DNHD1: variants seen among roughly 807,000 people sequenced by gnomAD.
DNHD1 encodes dynein heavy chain domain 1, also known as dynein heavy chain domain-containing protein 1.
DNHD1 carries 383 observed loss-of-function variants against 458.1 expected under a neutral mutation model. The observed-to-expected ratio is 0.84, with a 90% CI of 0.77 to 0.91. The LOEUF (loss-of-function observed/expected upper bound fraction) is 0.91. Among genes scored for constraint, DNHD1 ranks in the 40% least tolerant of loss-of-function variants. DNHD1 has a pLI of 0.00. For missense variants in DNHD1, 5,336 were observed against 5,866.1 expected (o/e 0.91, Z 2.95); for synonymous variants, 2,203 against 2,376.9 (o/e 0.93, Z 2.13).
In DNHD1 at chr11:6,547,653, G is replaced by A; in HGVS notation, c.6714G>A (p.Lys2238=). The A allele has an allele frequency of 6.6e-7, 1 of 1,522,634 alleles. No homozygotes were observed. Among genetic ancestry groups the A allele is most frequent in the South Asian group, 1.2e-5 (1 of 80,222 alleles). The allele number at this position is 1,522,634 out of a possible 1,614,324, so 94.3% of individuals were successfully genotyped here. Residue 2238 remains lysine, a synonymous_variant, in exon 21 of 43, where the codon AAG becomes AAA. Coordinates refer to ENST00000254579, the MANE Select transcript of DNHD1 (RefSeq NM_144666.3). ...LDLHLRLKEE[K]APGPEDLSYS... is the part of the protein sequence containing the mutation. ...TCCACCTTCGCCTAAAGGAGGAGAA[G>A]GCCCCTGGCCCAGGTGGGAAGATGG... is the stretch of plus-strand genomic sequence containing the variant.
In DNHD1 at chr11:6,557,767, G is replaced by A. The variant is rs1424030771; in HGVS notation, c.8472G>A (p.Glu2824=). 6.4e-7 allele frequency: 1 copy of A among 1,551,694 alleles called. No individual in the cohort carries two copies. The highest frequency in any genetic ancestry group is 8.7e-7 in the Non-Finnish European group (1 of 1,146,992). The change falls in exon 25 of 43, where the codon GAG becomes GAA. Residue 2824 remains glutamate, a synonymous_variant. Transcript: ENST00000254579. ...CCTCAGACCTGGTCTTCAGTCAGGAGCTGATACTGGGGCCTAACTCTGAGA... is the reference window on the plus strand; with the variant it reads ...CCTCAGACCTGGTCTTCAGTCAGGAACTGATACTGGGGCCTAACTCTGAGA... ...EKPSDLVFSQ[E]LILGPNSETP...
chr11:6,502,630 A>G, intron 3 of DNHD1, 123 bp from the exon 4 acceptor site: 1 of 795,296 alleles, frequency 1.3e-6, no homozygotes, highest in Non-Finnish European at 1.9e-6. Flanking sequence ...CGACAATGCC[A>G]CGTCAGGTCT....
In DNHD1 at chr11:6,567,531, G is replaced by A; in HGVS notation, c.12022G>A (p.Gly4008Ser). Residue 4008 changes from glycine to serine, a missense_variant, in exon 36 of 43, where the codon GGC (glycine) becomes AGC (serine). Gly to Ser is a moderately conservative substitution (Grantham distance 56). Around this residue, in one of 4 missense-constraint regions of DNHD1, gnomAD observed 695 missense variants for 804.2 expected, o/e 0.86. Coordinates refer to ENST00000254579, the MANE Select transcript of DNHD1 (RefSeq NM_144666.3). ...PFVGLCASLA[G>S]HSSAWQAYLS... ...TGTTGGCCTGTGTGCCTCCCTGGCA[G>A]GCCACTCCAGTGCTTGGCAGGCTTA... is the stretch of plus-strand genomic sequence containing the variant. The A allele has an allele frequency of 6.2e-7, 1 of 1,613,442 alleles. No homozygotes were observed. Among genetic ancestry groups the A allele is most frequent in the East Asian group, 2.2e-5 (1 of 44,878 alleles).
In DNHD1 at chr11:6,529,125, A is replaced by G. The variant is rs983289955; in HGVS notation, c.2347+4A>G. The G allele has an allele frequency of 5.8e-6, 9 of 1,549,806 alleles. No individual in the cohort carries two copies. The highest frequency in any genetic ancestry group is 5.5e-5 in the African/African-American group (4 of 72,994). ...CATGATGTACAGGCAGAGATGGGTGAGTACTGCTTCTCTTCCCTCTCCTCC... is the reference window on the plus strand; with the variant it reads ...CATGATGTACAGGCAGAGATGGGTGGGTACTGCTTCTCTTCCCTCTCCTCC... On this transcript the variant is annotated splice_donor_region_variant and intron_variant, in intron 12 of 42. Coordinates refer to ENST00000254579, the MANE Select transcript of DNHD1 (RefSeq NM_144666.3).
At chr11:6,569,689 AT>A (rs369635895) in intron 39 of DNHD1, among the ~76,000 whole-genome samples, 11 of 152,182 alleles carry the variant, frequency 7.2e-5, no homozygotes, top group Non-Finnish European at 1.5e-4. Flanking sequence ...CAGGGAAGAG[AT>A]TGTGGTATGG....
At chr11:6,549,744 G>A (rs1200850157) in intron 24 of DNHD1, among the ~76,000 whole-genome samples, 1 of 152,214 alleles carries the variant, frequency 6.6e-6, no homozygotes, top group Non-Finnish European at 1.5e-5. Context: ...CACACTTGGA[G>A]ATTTATGAGA....
At chr11:6,525,426 A>T (rs929750285) in intron 10 of DNHD1, among the ~76,000 whole-genome samples, 4 of 152,248 alleles carry the variant, frequency 2.6e-5, no homozygotes, top group African/African-American at 9.6e-5. Context: ...TCAGAGTTCC[A>T]TTCTTCAGGT....
At chr11:6,568,631 G>C in intron 38 of DNHD1, 34 bp from the exon 39 acceptor site, 1 of 1,613,924 alleles carries the variant, frequency 6.2e-7, no homozygotes, top group South Asian at 1.1e-5. Flanking sequence ...GGGCAACTGT[G>C]CTGTGCTGAC....
At chr11:6,501,116 A>T (rs1852125064) in intron 3 of DNHD1, among the ~76,000 whole-genome samples, 1 of 152,206 alleles carries the variant, frequency 6.6e-6, no homozygotes, top group South Asian at 2.1e-4. Flanking sequence ...GAAAATGTTC[A>T]TTGGATGTAG....
In DNHD1 at chr11:6,547,660, G is replaced by A; in HGVS notation, c.6721G>A (p.Gly2241Ser). Residue 2241 changes from glycine (G) to serine (S), a missense_variant, in exon 21 of 43, where the codon GGC (glycine) becomes AGC (serine). Coordinates refer to ENST00000254579, the MANE Select transcript of DNHD1 (RefSeq NM_144666.3). ...HLRLKEEKAPGPEDLSYSDPV... is the reference protein window; with the variant it reads ...HLRLKEEKAPSPEDLSYSDPV... Reference sequence around the variant, plus strand: ...TCGCCTAAAGGAGGAGAAGGCCCCTGGCCCAGGTGGGAAGATGGACGGGCT... The same window carrying A: ...TCGCCTAAAGGAGGAGAAGGCCCCTAGCCCAGGTGGGAAGATGGACGGGCT... 2 of 1,519,924 alleles carry A rather than the reference G, an allele frequency of 1.3e-6. No homozygotes were observed. The highest frequency in any genetic ancestry group is 1.3e-5 in the South Asian group (1 of 79,508). The allele number at this position is 1,519,924 out of a possible 1,614,324, so 94.2% of individuals were successfully genotyped here. A position where few individuals can be genotyped will look rare whatever the true frequency, so the allele number is the denominator to read the frequency against.
chr11:6,557,364 G>A lies in DNHD1; in HGVS notation c.8069G>A (p.Gly2690Asp), dbSNP rs1191677823. 1.9e-6 allele frequency: 3 copies of A among 1,551,456 alleles called. No homozygotes were observed. The highest frequency in any genetic ancestry group is 4.9e-5 in the East Asian group (2 of 40,908). ...FCCGPGPQHL[G>D]KDHQESEEEE... ...TGTGGGCCAGGGCCCCAGCACCTGG[G>A]CAAGGACCATCAGGAGAGTGAGGAG... is the stretch of plus-strand genomic sequence containing the variant. Residue 2690 changes from glycine (G) to aspartate (D), a missense_variant, in exon 25 of 43, where the codon GGC (glycine) becomes GAC (aspartate). Physicochemically the swap from Gly to Asp is moderately conservative, Grantham distance 94. This residue lies in a region of DNHD1 where 3,932 missense variants were observed against 4,365.6 expected (regional missense o/e 0.90). Coordinates refer to ENST00000254579, the MANE Select transcript of DNHD1 (RefSeq NM_144666.3).
At position 6,538,762 on chromosome 11, in the gene DNHD1, CT is replaced by C; in HGVS notation, c.3278del (p.Leu1093ArgfsTer26). 1 of 1,540,838 alleles carries C rather than the reference CT, an allele frequency of 6.5e-7. No homozygotes were observed. Among genetic ancestry groups the C allele is most frequent in the Middle Eastern group, 1.7e-4 (1 of 5,946 alleles). ...FRSYLPLLTKLGSLHPQSLNC... is the reference protein window; with the variant it reads ...FRSYLPLLTKXGSLHPQSLNC... ...CAGCTACCTGCCCCTGCTCACTAAG[CT>C]GGGCAGCCTCCACCCACAGAGCCTC... On this transcript the variant is annotated frameshift_variant, in exon 16 of 43. Coordinates refer to ENST00000254579, the MANE Select transcript of DNHD1 (RefSeq NM_144666.3).
chr11:6,571,019 C>T lies in DNHD1; in HGVS notation c.13507C>T (p.Leu4503Phe). The T allele has an allele frequency of 6.3e-7, 1 of 1,590,916 alleles. No individual in the cohort carries two copies. Among genetic ancestry groups the T allele is most frequent in the Non-Finnish European group, 8.6e-7 (1 of 1,165,568 alleles). ...SQLVGTLQRD[L>F]DCLLQQLKGA... ...GTTGGTGGGCACGCTACAACGCGACCTTGATTGCCTGTTGCAGCAGCTGAA... is the reference window on the plus strand; with the variant it reads ...GTTGGTGGGCACGCTACAACGCGACTTTGATTGCCTGTTGCAGCAGCTGAA... Residue 4503 changes from leucine to phenylalanine, a missense_variant, in exon 42 of 43, where the codon CTT becomes TTT. Coordinates refer to ENST00000254579, the MANE Select transcript of DNHD1 (RefSeq NM_144666.3). The surrounding 1 kb of genome is among the most constrained non-coding windows in gnomAD (Gnocchi z 5.0).
Position 6,564,377 on chromosome 11 carries a change from A to G in DNHD1, c.10329A>G (p.Leu3443=), listed in dbSNP as rs556499381. 193 of 1,550,738 alleles carry G rather than the reference A, an allele frequency of 1.2e-4. 2 individuals are homozygous for G. The South Asian group carries it at 2.1e-3, about 17-fold the overall frequency. ...RCMTVFGDTL[L]CSAAIIYLGP... is the part of the protein sequence containing the mutation. ...TGACTGTGTTTGGAGATACCCTCCT[A>G]TGTTCAGCTGCCATCATCTACCTGG... Residue 3443 remains leucine, a synonymous_variant, in exon 32 of 43, where the codon CTA becomes CTG. Coordinates refer to ENST00000254579, the MANE Select transcript of DNHD1 (RefSeq NM_144666.3).
In DNHD1 at chr11:6,565,693, A is replaced by G. The variant is rs377539525; in HGVS notation, c.10757-2A>G. On this transcript the variant is annotated splice_acceptor_variant, in intron 32 of 42. Transcript: ENST00000254579. LOFTEE classifies it high-confidence loss of function. Reference sequence around the variant, plus strand: ...GAGCTCCTCTGAATCTTTCTGCCCCAGGGAAAGGCCTCATGAGAAATCAAA... The same window carrying G: ...GAGCTCCTCTGAATCTTTCTGCCCCGGGGAAAGGCCTCATGAGAAATCAAA... The G allele has an allele frequency of 3.2e-6, 5 of 1,541,238 alleles. No homozygotes were observed. The highest frequency in any genetic ancestry group is 4.9e-5 in the East Asian group (2 of 40,886).
intron 3 of DNHD1, among the ~76,000 whole-genome samples, chr11:6,500,556 C>T (rs1357229066): frequency 6.6e-6 from 1 of 152,220 alleles, no homozygotes; most frequent in African/African-American, 2.4e-5. Context: ...AAGAGCTGCC[C>T]TGTGCCTTGA....
intron 12 of DNHD1, among the ~76,000 whole-genome samples, chr11:6,530,746 G>A (rs976455645): frequency 2.0e-5 from 3 of 152,168 alleles, no homozygotes; most frequent in Non-Finnish European, 4.4e-5. Flanking sequence ...CTCTTGTACA[G>A]GGGGTTCAGG....
At chr11:6,534,345 A>G (rs1852894338) in intron 14 of DNHD1, 172 bp downstream of exon 14, 2 of 695,152 alleles carry the variant, frequency 2.9e-6, no homozygotes, top group Admixed American at 3.0e-5. Context: ...AACATCATAT[A>G]TTGACCATGG....
intron 16 of DNHD1, 120 bp from the exon 17 acceptor site, chr11:6,539,099 C>G: frequency 1.4e-6 from 1 of 726,410 alleles, no homozygotes; most frequent in Non-Finnish European, 2.3e-6. Flanking sequence ...GTGTTGTGCT[C>G]TGAGATCTGC....
Sources: allele counts gnomAD v4.1 joint callset (sites outside exome capture counted in the v4.1 genomes callset), GRCh38; gene constraint gnomAD v4.1.1; regional missense constraint gnomAD v4.1.1; non-coding constraint Gnocchi (gnomAD v3.1); transcripts MANE v1.5; gene names NCBI Gene and HGNC (gene_info 2026-07-23, HGNC 2026-07-21).